Variants in SBK1 observed in about 807,000 individuals in gnomAD.
SBK1 encodes the protein serine/threonine-protein kinase SBK1.
Under a neutral mutation model 24.4 loss-of-function variants are expected in SBK1, and 11 were observed. The ratio of observed to expected loss-of-function variants is 0.45; its 90% CI spans 0.28 to 0.75. The LOEUF is 0.75. Ranked by LOEUF, SBK1 falls within the 30% of genes least tolerant of loss-of-function variation. The pLI is 0.12. For synonymous variants in SBK1, 308 were observed against 284.4 expected (o/e 1.08, Z -0.83); for missense variants, 467 against 620.5 (o/e 0.75, Z 2.63).
intron 1 of SBK1, among the ~76,000 whole-genome samples, chr16:28,280,143 ATATATATGTG>A (rs1273948965): frequency 1.7e-5 from 1 of 57,228 alleles, no homozygotes; most frequent in African/African-American, 4.8e-5. Flanking sequence ...ATATATATAT[ATATATATGTG>A]TGTGTGTGTG....
intron 1 of SBK1, among the ~76,000 whole-genome samples, chr16:28,304,260 G>A (rs1385104231): frequency 6.6e-6 from 1 of 152,054 alleles, no homozygotes; most frequent in South Asian, 2.1e-4. Context: ...CATTTCCTCC[G>A]TGCCTGGCTC....
At chr16:28,282,386 CT>C (rs1315752095) in intron 1 of SBK1, among the ~76,000 whole-genome samples, 2 of 152,144 alleles carry the variant, frequency 1.3e-5, no homozygotes, top group African/African-American at 4.8e-5. Flanking sequence ...CACCAGCTGG[CT>C]CTCAGCTCAC....
chr16:28,312,985 T>C (rs2044764429), intron 1 of SBK1, among the ~76,000 whole-genome samples: 1 of 152,074 alleles, frequency 6.6e-6, no homozygotes, highest in African/African-American at 2.4e-5. Context: ...AATACAAAAA[T>C]TAGGCATGGT....
At chr16:28,280,554 C>T (rs867771758) in intron 1 of SBK1, among the ~76,000 whole-genome samples, 5 of 151,846 alleles carry the variant, frequency 3.3e-5, no homozygotes, top group Admixed American at 1.3e-4. Flanking sequence ...GCTTTAACCC[C>T]CTAAGGATGG....
chr16:28,298,707 T>C (rs2044658344), intron 1 of SBK1, among the ~76,000 whole-genome samples: 1 of 152,220 alleles, frequency 6.6e-6, no homozygotes, highest in Admixed American at 6.5e-5. Flanking sequence ...ACTGCTGTGA[T>C]CTCCCACTGC....
intron 1 of SBK1, among the ~76,000 whole-genome samples, chr16:28,269,510 C>G (rs12444899): frequency 0.065 from 9,862 of 152,070 alleles, 587 homozygotes; most frequent in Admixed American, 0.19. Context: ...AATGTTTCCA[C>G]TATTTCTTAG....
chr16:28,280,149 A>ATATATATATATATATGTG (rs1230385223), intron 1 of SBK1, among the ~76,000 whole-genome samples: 12 of 39,404 alleles, frequency 3.0e-4, no homozygotes, highest in East Asian at 1.5e-3. Context: ...ATATATATAT[A>ATATATATATATATATGTG]TGTGTGTGTG....
rs763015809 is a variant in SBK1 at position 28,308,740 on chromosome 16, GGTGTGTGTGTGTGTGT to G, written c.-7-8620_-7-8605del. 1.4e-4 allele frequency among the ~76,000 whole-genome samples: 18 copies of G among 130,606 alleles called. No individual in the cohort carries two copies. In the Middle Eastern group the frequency reaches 0.017, roughly 121 times the overall value. 85.7% of individuals were successfully genotyped at this position (130,606 alleles called of 152,430 possible). Reference sequence around the variant, plus strand: ...AGCTATCGTGCCTGGCGTTCTTTGGGGTGTGTGTGTGTGTGTGTGTGTGTGTGTGTGTGTGTGTGTT... The same window carrying G: ...AGCTATCGTGCCTGGCGTTCTTTGGGGTGTGTGTGTGTGTGTGTGTGTGTT... On this transcript the variant is annotated intron_variant, in intron 1 of 3. Transcript: ENST00000341901.
intron 1 of SBK1, among the ~76,000 whole-genome samples, chr16:28,262,630 G>A (rs764625515): frequency 6.6e-6 from 1 of 152,204 alleles, no homozygotes; most frequent in Admixed American, 6.5e-5. Context: ...TGCTATAATA[G>A]AGGTGTGAGC....
intron 1 of SBK1, among the ~76,000 whole-genome samples, chr16:28,300,651 C>T (rs34159158): frequency 6.6e-6 from 1 of 152,178 alleles, no homozygotes; most frequent in Non-Finnish European, 1.5e-5. Context: ...GTCTCAGTTT[C>T]CTGAACTGTA....
intron 1 of SBK1, among the ~76,000 whole-genome samples, chr16:28,298,032 T>A (rs2044652827): frequency 6.6e-6 from 1 of 152,170 alleles, no homozygotes; most frequent in Non-Finnish European, 1.5e-5. Context: ...TGCTGCCTTC[T>A]GCTGGAGAGT....
chr16:28,291,375 G>A (rs1804709820), upstream of SBK1: 1 of 151,902 alleles, frequency 6.6e-6, no homozygotes, highest in African/African-American at 2.4e-5. Flanking sequence ...GGGGAAGGGG[G>A]AGGGATAGCA....
chr16:28,262,774 T>C (rs1380106252), intron 1 of SBK1, among the ~76,000 whole-genome samples: 1 of 152,194 alleles, frequency 6.6e-6, no homozygotes, highest in Non-Finnish European at 1.5e-5. Flanking sequence ...TCTGGTGTTT[T>C]GATGTATTAA....
At chr16:28,318,912 G>T in intron 2 of SBK1, 83 bp from the exon 3 acceptor site, 1 of 985,516 alleles carries the variant, frequency 1.0e-6, no homozygotes, top group Non-Finnish European at 1.6e-6. Context: ...TGTTGCACCA[G>T]GGTCCAGAGA....
chr16:28,292,785 G>A lies in SBK1; in HGVS notation c.-523G>A. On this transcript the variant is annotated 5_prime_UTR_variant, in exon 1 of 4. Coordinates refer to ENST00000341901, the MANE Select transcript of SBK1 (RefSeq NM_001024401.3). The stretch of plus-strand genomic sequence containing the variant: ...CCACATCCAGGATCCGGCGAGCCTC[G>A]GGGAAGAGGGGGGGCCCTCCCGGAT... The A allele has an allele frequency of 2.0e-6, 2 of 985,374 alleles. No individual in the cohort carries two copies. Among genetic ancestry groups the A allele is most frequent in the African/African-American group, 1.7e-5 (1 of 57,328 alleles). 61.0% of individuals were successfully genotyped at this position (985,374 alleles called of 1,614,324 possible). A position where few individuals can be genotyped will look rare whatever the true frequency, so the allele number is the denominator to read the frequency against.
At chr16:28,271,551 C>A (rs145550261) in intron 1 of SBK1, among the ~76,000 whole-genome samples, 4 of 151,954 alleles carry the variant, frequency 2.6e-5, no homozygotes, top group Non-Finnish European at 5.9e-5. Context: ...AATGCGACTC[C>A]GTCCCCCCAC....
chr16:28,308,737 T>TGG (rs1274294019), intron 1 of SBK1, among the ~76,000 whole-genome samples: 310 of 122,926 alleles, frequency 2.5e-3, no homozygotes, highest in African/African-American at 7.3e-3. Flanking sequence ...TGGCGTTCTT[T>TGG]GGGGTGTGTG....
At position 28,317,569 on chromosome 16, in the gene SBK1, G is replaced by A. The variant is rs1385289459; in HGVS notation, c.178G>A (p.Gly60Ser). 2 of 1,614,082 alleles carry A rather than the reference G, an allele frequency of 1.2e-6. No individual in the cohort carries two copies. The highest frequency in any genetic ancestry group is 1.7e-5 in the Admixed American group (1 of 60,006). The part of the protein sequence containing the change: ...TKHYELVREL[G>S]KGTYGKVDLV... ...GCACTACGAACTAGTCCGGGAGCTGGGCAAAGGCACCTATGGGAAGGTTGA... is the reference window on the plus strand; with the variant it reads ...GCACTACGAACTAGTCCGGGAGCTGAGCAAAGGCACCTATGGGAAGGTTGA... Residue 60 changes from glycine to serine, a missense_variant, in exon 2 of 4, where the codon GGC becomes AGC. By Grantham distance (56) the Gly-to-Ser change is moderately conservative. This residue lies in a region of SBK1 where 123 missense variants were observed against 158.2 expected (regional missense o/e 0.78). Coordinates refer to ENST00000341901, the MANE Select transcript of SBK1 (RefSeq NM_001024401.3). This position sits in a 1 kb window ranked among gnomAD's most constrained non-coding sequence, Gnocchi z 4.2.
chr16:28,286,052 A>G (rs1371219027), intron 1 of SBK1: 2 of 152,200 alleles, frequency 1.3e-5, no homozygotes, highest in East Asian at 3.8e-4. Context: ...ACTGTTTCTC[A>G]CTGCAGAATG....
Sources: gnomAD v4.1 joint callset for allele counts (sites outside exome capture counted in the v4.1 genomes callset) on GRCh38, gnomAD v4.1.1 for gene constraint, gnomAD v4.1.1 regional missense constraint, Gnocchi (gnomAD v3.1) non-coding constraint, MANE v1.5 for transcripts, NCBI Gene and HGNC (gene_info 2026-07-23, HGNC 2026-07-21) for gene names.